The following FGD4 variants were observed in gnomAD, a reference collection of about 807,000 sequenced individuals.
The protein encoded by FGD4 is FYVE, RhoGEF and PH domain containing 4, also known as FYVE, RhoGEF and PH domain-containing protein 4.
FGD4 carries 42 observed loss-of-function variants against 102.0 expected under a neutral mutation model. The observed-to-expected ratio is 0.41, with a 90% CI of 0.32 to 0.53. The LOEUF is 0.53. Among genes scored for constraint, FGD4 ranks in the 20% least tolerant of loss-of-function variants. The pLI, the probability that FGD4 is intolerant of heterozygous loss-of-function variation, is 0.21. For synonymous variants in FGD4, 380 were observed against 375.7 expected, an observed-to-expected ratio of 1.01 and a Z score of -0.13; for missense variants, 902 against 1,078.2, an observed-to-expected ratio of 0.84 and a Z score of 2.29.
intron 1 of FGD4, among the ~76,000 whole-genome samples, chr12:32,402,155 G>A (rs1158531354): frequency 7.3e-6 from 1 of 136,490 alleles, no homozygotes; most frequent in Non-Finnish European, 1.5e-5. Context: ...TTAAAGAGAC[G>A]GGATTGCTTG....
chr12:32,526,156 G>C (rs546004503), intron 1 of FGD4, among the ~76,000 whole-genome samples: 1 of 152,380 alleles, frequency 6.6e-6, no homozygotes, highest in Admixed American at 6.5e-5. Context: ...GGGACATGGA[G>C]AGTCTTTATA....
At chr12:32,633,767 G>GAC in intron 15 of FGD4, 78 bp downstream of exon 15, 1 of 1,334,444 alleles carries the variant, frequency 7.5e-7, no homozygotes, top group Admixed American at 1.8e-5. Context: ...CCAGGCTGAG[G>GAC]TGCAGTGGCA....
At chr12:32,499,738 G>A (rs1185860009) in intron 1 of FGD4, among the ~76,000 whole-genome samples, 4 of 152,162 alleles carry the variant, frequency 2.6e-5, no homozygotes, top group Admixed American at 6.5e-5. Context: ...CTTCTCTGCC[G>A]GGCAAGGTGG....
chr12:32,416,814 C>T (rs1337667057), intron 1 of FGD4, among the ~76,000 whole-genome samples: 1 of 152,066 alleles, frequency 6.6e-6, no homozygotes, highest in African/African-American at 2.4e-5. Flanking sequence ...ATGTTATATT[C>T]CTGTTTTTCT....
chr12:32,569,336 G>C (rs1329364122), intron 2 of FGD4, among the ~76,000 whole-genome samples: 1 of 152,140 alleles, frequency 6.6e-6, no homozygotes, highest in Non-Finnish European at 1.5e-5. Flanking sequence ...GAACCCTGCA[G>C]GGACTTCTCA....
chr12:32,625,621 T>C (rs1565922292), intron 13 of FGD4, 33 bp from the exon 14 acceptor site: 1 of 1,607,222 alleles, frequency 6.2e-7, no homozygotes. Context: ...ATAGTTTTTT[T>C]CTATTAAAAT....
intron 1 of FGD4, among the ~76,000 whole-genome samples, chr12:32,450,567 T>C (rs2136472492): frequency 6.6e-6 from 1 of 152,294 alleles, no homozygotes; most frequent in South Asian, 2.1e-4. Flanking sequence ...ACCCTGTTAC[T>C]AGAATCAGCG....
chr12:32,540,820 C>T (rs1203974112), intron 1 of FGD4, among the ~76,000 whole-genome samples: 1 of 152,168 alleles, frequency 6.6e-6, no homozygotes, highest in Non-Finnish European at 1.5e-5. Context: ...CCGCCTCTGC[C>T]TCCCAAAGCG....
intron 1 of FGD4, among the ~76,000 whole-genome samples, chr12:32,495,710 AAAG>A (rs1433699643): frequency 1.3e-5 from 2 of 150,720 alleles, no homozygotes; most frequent in Non-Finnish European, 3.0e-5. Context: ...AAAAAAAAAA[AAAG>A]AAGCTTTTCA....
intron 1 of FGD4, among the ~76,000 whole-genome samples, chr12:32,526,615 C>T (rs1342926653): frequency 1.3e-5 from 2 of 152,230 alleles, no homozygotes; most frequent in South Asian, 2.1e-4. Context: ...CTGCCCGAGC[C>T]AGCATTGGCA....
At chr12:32,442,670 T>C (rs1213395095) in intron 1 of FGD4, among the ~76,000 whole-genome samples, 3 of 149,978 alleles carry the variant, frequency 2.0e-5, no homozygotes, top group Non-Finnish European at 4.4e-5. Flanking sequence ...GCAATTCTCC[T>C]GTCTCAGCCT....
chr12:32,542,130 T>C (rs887466483), intron 1 of FGD4, among the ~76,000 whole-genome samples: 2 of 146,818 alleles, frequency 1.4e-5, no homozygotes, highest in African/African-American at 5.3e-5. Flanking sequence ...TCATTTTATC[T>C]ATTAATGCCG....
At chr12:32,485,166 A>G (rs1591990945) in intron 1 of FGD4, among the ~76,000 whole-genome samples, 1 of 152,192 alleles carries the variant, frequency 6.6e-6, no homozygotes, top group East Asian at 1.9e-4. Flanking sequence ...ATTTTAATCC[A>G]TAATTTTACT....
At chr12:32,586,342 ACACCCATAATTC>A (rs2136471028) in intron 4 of FGD4, among the ~76,000 whole-genome samples, 1 of 152,344 alleles carries the variant, frequency 6.6e-6, no homozygotes, top group South Asian at 2.1e-4. Context: ...CACAAAAACC[ACACCCATAATTC>A]TACCAGTGAG....
intron 1 of FGD4, among the ~76,000 whole-genome samples, chr12:32,480,226 A>G (rs1348720632): frequency 6.7e-6 from 1 of 149,726 alleles, no homozygotes; most frequent in Non-Finnish European, 1.5e-5. Flanking sequence ...CCGTGGCATG[A>G]TCTTGGCTCA....
intron 4 of FGD4, among the ~76,000 whole-genome samples, chr12:32,593,411 A>G (rs917082480): frequency 1.3e-5 from 2 of 152,196 alleles, no homozygotes; most frequent in Non-Finnish European, 2.9e-5. Context: ...GTTGTCAGCA[A>G]ACTTACTTTT....
In FGD4 at chr12:32,552,752, A is replaced by G. The variant is rs1334345335; in HGVS notation, c.167-11385A>G. Among the ~76,000 whole-genome samples, 7 of 151,470 alleles carry G rather than the reference A, an allele frequency of 4.6e-5. No individual in the cohort carries two copies. In the Middle Eastern group the frequency reaches 0.021, roughly 445 times the overall value. Reference sequence around the variant, plus strand: ...CAAGGTACAGCAGAGCACACTGGCCAGCTCCAATGCAAGAGTCATCATGGA... The same window carrying G: ...CAAGGTACAGCAGAGCACACTGGCCGGCTCCAATGCAAGAGTCATCATGGA... On this transcript the variant is annotated intron_variant, in intron 1 of 16. Transcript: ENST00000534526.
chr12:32,598,725 C>T lies in FGD4; in HGVS notation c.1101+139C>T, dbSNP rs1948108875. 5.7e-6 allele frequency: 4 copies of T among 702,070 alleles called. No homozygotes were observed. In the Admixed American group the frequency reaches 7.0e-5, roughly 12 times the overall value. The allele number at this position is 702,070 out of a possible 1,614,324, so 43.5% of individuals were successfully genotyped here. On this transcript the variant is annotated intron_variant, in intron 5 of 16. Coordinates refer to ENST00000534526, the MANE Select transcript of FGD4 (RefSeq NM_001370298.3). The stretch of plus-strand genomic sequence containing the variant: ...AAAGGTACTTGCTCAAGGAAATCTC[C>T]AGCACTTTGAGCTTTGTGAGTGAAT...
At chr12:32,613,392 TA>T (rs1308995358) in intron 10 of FGD4, among the ~76,000 whole-genome samples, 1 of 152,192 alleles carries the variant, frequency 6.6e-6, no homozygotes, top group Non-Finnish European at 1.5e-5. Context: ...TGCAACAAAA[TA>T]AACCCATAGT....
Sources: allele counts gnomAD v4.1 joint callset (sites outside exome capture counted in the v4.1 genomes callset), GRCh38; gene constraint gnomAD v4.1.1; transcripts MANE v1.5; gene names NCBI Gene and HGNC (gene_info 2026-07-23, HGNC 2026-07-21).